SLC2A13: variants seen among roughly 807,000 people sequenced by gnomAD.
SLC2A13 encodes the protein proton myo-inositol cotransporter.
SLC2A13 carries 32 observed loss-of-function variants against 64.4 expected under a neutral mutation model. The ratio of observed to expected loss-of-function variants is 0.50; its 90% CI spans 0.37 to 0.67. The LOEUF is 0.67. SLC2A13 is among the 30% of genes least tolerant of loss of function. The pLI, the probability that SLC2A13 is intolerant of heterozygous loss-of-function variation, is 0.00. For missense variants in SLC2A13, 743 were observed against 829.2 expected (o/e 0.90, Z 1.28); for synonymous variants, 338 against 327.1 (o/e 1.03, Z -0.36).
At chr12:39,946,137 A>G (rs111573783) in intron 4 of SLC2A13, among the ~76,000 whole-genome samples, 1,887 of 152,204 alleles carry the variant, frequency 0.012, 37 homozygotes, top group African/African-American at 0.043. Flanking sequence ...TTCTGGGTCT[A>G]GCCACGCAGC....
At chr12:39,964,623 G>A (rs931774073) in intron 3 of SLC2A13, among the ~76,000 whole-genome samples, 21 of 152,216 alleles carry the variant, frequency 1.4e-4, no homozygotes, top group African/African-American at 4.8e-4. Context: ...AACTGACAGA[G>A]CCTACAAGGA....
chr12:39,939,182 C>T (rs1369928714), intron 4 of SLC2A13, among the ~76,000 whole-genome samples: 1 of 152,164 alleles, frequency 6.6e-6, no homozygotes, highest in African/African-American at 2.4e-5. Context: ...ACTTCCCTTA[C>T]TCCTTTTCTC....
At chr12:40,051,598 G>T (rs17489267) in intron 1 of SLC2A13, among the ~76,000 whole-genome samples, 1 of 152,132 alleles carries the variant, frequency 6.6e-6, no homozygotes, top group Non-Finnish European at 1.5e-5. Context: ...AAGAGTCAGA[G>T]GGGCCTTGGA....
At chr12:40,059,403 C>A (rs1490388476) in intron 1 of SLC2A13, among the ~76,000 whole-genome samples, 2 of 152,178 alleles carry the variant, frequency 1.3e-5, no homozygotes, top group African/African-American at 4.8e-5. Flanking sequence ...AAACCTTAAA[C>A]TATTTTTCCT....
At chr12:39,884,089 T>A (rs1244318841) in intron 4 of SLC2A13, among the ~76,000 whole-genome samples, 1 of 152,208 alleles carries the variant, frequency 6.6e-6, no homozygotes. Context: ...TACATTGTAT[T>A]CAGGCACCAT....
intron 1 of SLC2A13, among the ~76,000 whole-genome samples, chr12:40,052,435 A>G (rs772967109): frequency 3.9e-5 from 6 of 152,130 alleles, no homozygotes; most frequent in Non-Finnish European, 8.8e-5. Flanking sequence ...AACATGGGCA[A>G]ATCATGAGGT....
intron 7 of SLC2A13, among the ~76,000 whole-genome samples, chr12:39,823,377 T>A (rs73092145): frequency 0.043 from 6,548 of 152,230 alleles, 435 homozygotes; most frequent in African/African-American, 0.14. Flanking sequence ...AAGATACTGA[T>A]GTGGTTTGTC....
In SLC2A13 at chr12:40,075,956, T is replaced by C. The variant is rs145959351; in HGVS notation, c.557-27746A>G. ...TCTGTTGAGAACTTCTATCTTTCCATTCATTGCAAGTGTTTTCACTTTTAT... is the reference window on the plus strand; with the variant it reads ...TCTGTTGAGAACTTCTATCTTTCCACTCATTGCAAGTGTTTTCACTTTTAT... On this transcript the variant is annotated intron_variant, in intron 1 of 9. Transcript: ENST00000280871. 1.3e-3 allele frequency among the ~76,000 whole-genome samples: 199 copies of C among 152,296 alleles called. 1 individual carries two copies. The highest frequency in any genetic ancestry group is 4.6e-3 in the African/African-American group (191 of 41,572).
At chr12:40,063,675 G>A (rs755335056) in intron 1 of SLC2A13, among the ~76,000 whole-genome samples, 7 of 152,158 alleles carry the variant, frequency 4.6e-5, no homozygotes, top group Non-Finnish European at 8.8e-5. Context: ...TGACCAAGCC[G>A]GGGCTATTTA....
At chr12:40,070,942 T>C (rs973886599) in intron 1 of SLC2A13, among the ~76,000 whole-genome samples, 10 of 152,140 alleles carry the variant, frequency 6.6e-5, no homozygotes, top group African/African-American at 2.2e-4. Flanking sequence ...CATATTTATA[T>C]AAAGGAACAG....
chr12:40,010,048 G>A lies in SLC2A13; in HGVS notation c.925+18253C>T, dbSNP rs190650515. The stretch of plus-strand genomic sequence containing the variant: ...TGACGTGGTAAAAATCCCAGATGCC[G>A]CTAATCTATACAGGCACATGGCAAC... On this transcript the variant is annotated intron_variant, in intron 3 of 9. Coordinates refer to ENST00000280871, the MANE Select transcript of SLC2A13 (RefSeq NM_052885.4). Among the ~76,000 whole-genome samples the A allele has an allele frequency of 2.2e-4, 34 of 152,228 alleles. No homozygotes were observed. The East Asian group carries it at 5.0e-3, about 22-fold the overall frequency.
At chr12:39,818,974 T>C (rs4318032) in intron 7 of SLC2A13, among the ~76,000 whole-genome samples, 104,495 of 151,980 alleles carry the variant, frequency 0.69, 36,457 homozygotes, top group African/African-American at 0.79. Context: ...ATCAAGTATT[T>C]CCCAAAAACT....
chr12:39,870,848 CTGA>C (rs1163095585), intron 5 of SLC2A13, among the ~76,000 whole-genome samples: 1 of 152,162 alleles, frequency 6.6e-6, no homozygotes, highest in Non-Finnish European at 1.5e-5. Context: ...GTATGTATTT[CTGA>C]TAACTGGGTT....
At chr12:39,896,751 T>C (rs1422819174) in intron 4 of SLC2A13, among the ~76,000 whole-genome samples, 2 of 152,084 alleles carry the variant, frequency 1.3e-5, no homozygotes, top group Admixed American at 6.5e-5. Context: ...TTGCAGTTTC[T>C]ATTATATTTT....
At chr12:40,037,701 T>C (rs147666646) in intron 2 of SLC2A13, among the ~76,000 whole-genome samples, 189 of 152,026 alleles carry the variant, frequency 1.2e-3, no homozygotes, top group African/African-American at 4.2e-3. Context: ...AATAATGATG[T>C]AGCTTCTTTA....
Position 39,813,985 on chromosome 12 carries a change from G to T in SLC2A13, c.1445+16118C>A, listed in dbSNP as rs189690564. ...CAATCTTGGACAATTTCCAGTATGA[G>T]TGATTTCGTATATTACTTCATCTAT... On this transcript the variant is annotated intron_variant, in intron 7 of 9. Coordinates refer to ENST00000280871, the MANE Select transcript of SLC2A13 (RefSeq NM_052885.4). Among the ~76,000 whole-genome samples, 275 of 152,306 alleles carry T rather than the reference G, an allele frequency of 1.8e-3. 2 individuals carry two copies. Among genetic ancestry groups the T allele is most frequent in the Non-Finnish European group, 1.2e-3 (81 of 68,016 alleles).
chr12:39,761,336 A>AGAT (rs1467011663), intron 9 of SLC2A13, among the ~76,000 whole-genome samples: 1 of 152,066 alleles, frequency 6.6e-6, no homozygotes, highest in East Asian at 1.9e-4. Context: ...CATGTATAGG[A>AGAT]GATATAGTTA....
Position 39,816,583 on chromosome 12 carries a change from T to TA in SLC2A13, c.1445+13519dup, listed in dbSNP as rs201778629. Among the ~76,000 whole-genome samples, 287 of 129,124 alleles carry TA rather than the reference T, an allele frequency of 2.2e-3. 5 individuals are homozygous for TA. The East Asian group carries it at 0.032, about 14-fold the overall frequency. 84.7% of individuals were successfully genotyped at this position (129,124 alleles called of 152,430 possible). ...ACCCTAGAACTTACTTAAAGTATAA[T>TA]AAAAAAAAAGAAAGAAAAATCAAGG... On this transcript the variant is annotated intron_variant, in intron 7 of 9. Transcript: ENST00000280871.
intron 4 of SLC2A13, among the ~76,000 whole-genome samples, chr12:39,891,467 G>A (rs1194596744): frequency 3.3e-5 from 5 of 152,008 alleles, no homozygotes; most frequent in Middle Eastern, 3.2e-3. Flanking sequence ...GGAGGCTTGT[G>A]ATTTATCTTA....
Sources: allele counts gnomAD v4.1 joint callset (sites outside exome capture counted in the v4.1 genomes callset), GRCh38; gene constraint gnomAD v4.1.1; transcripts MANE v1.5; gene names NCBI Gene and HGNC (gene_info 2026-07-23, HGNC 2026-07-21).